The following ARHGEF18 variants were observed in gnomAD, a reference collection of about 807,000 sequenced individuals.
ARHGEF18 encodes the protein rho guanine nucleotide exchange factor 18.
Under a neutral mutation model 155.7 loss-of-function variants are expected in ARHGEF18, and 93 were observed. That is an observed-to-expected ratio of 0.60 (90% CI 0.50 to 0.71). The LOEUF is 0.71. Ranked by LOEUF, ARHGEF18 falls within the 30% of genes least tolerant of loss-of-function variation. The pLI, the probability that ARHGEF18 is intolerant of heterozygous loss-of-function variation, is 0.00. For missense variants in ARHGEF18, 1,593 were observed against 1,816.1 expected, an observed-to-expected ratio of 0.88 and a Z score of 2.23; for synonymous variants, 742 against 753.1, an observed-to-expected ratio of 0.99 and a Z score of 0.24.
At chr19:7,455,925 A>G (rs1206640401) in intron 17 of ARHGEF18, among the ~76,000 whole-genome samples, 2 of 152,206 alleles carry the variant, frequency 1.3e-5, no homozygotes, top group East Asian at 3.9e-4. Flanking sequence ...CCCATGATTC[A>G]ATTACCTCCC....
In ARHGEF18 at chr19:7,405,994, T is replaced by C. The variant is rs748924364; in HGVS notation, c.967+22791T>C. On this transcript the variant is annotated intron_variant, in intron 10 of 28. Transcript: ENST00000668164. ...ACAGTGATTTTCCAGTATTTTGAAG[T>C]TGAAGTAAATGTAGAAGGTCTCACT... is the stretch of plus-strand genomic sequence containing the variant. Among the ~76,000 whole-genome samples the C allele has an allele frequency of 1.1e-4, 17 of 152,150 alleles. No homozygotes were observed. In the East Asian group the frequency reaches 2.7e-3, roughly 24 times the overall value.
intron 1 of ARHGEF18, chr19:7,355,670 A>G: frequency 1.0e-6 from 1 of 985,424 alleles, no homozygotes; most frequent in Non-Finnish European, 1.2e-6. Flanking sequence ...GGCCTTCTCC[A>G]AGCTGTGGCT....
At chr19:7,369,949 C>A (rs1970123409) in intron 2 of ARHGEF18, among the ~76,000 whole-genome samples, 1 of 152,032 alleles carries the variant, frequency 6.6e-6, no homozygotes, top group South Asian at 2.1e-4. Context: ...GTAACCCCAG[C>A]ACTTTCGGAG....
intron 6 of ARHGEF18, 44 bp downstream of exon 6, chr19:7,378,495 G>A (rs898057817): frequency 4.1e-6 from 5 of 1,232,408 alleles, no homozygotes; most frequent in African/African-American, 3.1e-5. Context: ...CCAGGGAACA[G>A]GCCACAAAGT....
At chr19:7,406,344 C>T (rs758818909) in intron 10 of ARHGEF18, among the ~76,000 whole-genome samples, 5 of 152,160 alleles carry the variant, frequency 3.3e-5, no homozygotes, top group Non-Finnish European at 7.4e-5. Flanking sequence ...CTCGGCCTCC[C>T]AAAGTGCTGG....
rs776881099 is a variant in ARHGEF18, at chr19:7,468,939, C to T, written c.3595C>T (p.Arg1199Cys). Residue 1199 changes from arginine (R) to cysteine (C), a missense_variant, in exon 27 of 29, where the codon CGC (arginine) becomes TGC (cysteine). Physicochemically the swap from Arg to Cys is radical, Grantham distance 180. Coordinates refer to ENST00000668164, the MANE Select transcript of ARHGEF18 (RefSeq NM_001367823.1). ...GTACGCAGAGCGCCCCGAGGTGGCT[C>T]GCCGGGACAGCGCCCCCACCGAGAA... The part of the protein sequence containing the change: ...PEYAERPEVA[R>C]RDSAPTENRL... 4.4e-6 allele frequency: 7 copies of T among 1,573,194 alleles called. No homozygotes were observed. Among genetic ancestry groups the T allele is most frequent in the African/African-American group, 2.8e-5 (2 of 72,346 alleles).
chr19:7,448,127 G>A (rs1975113500), intron 15 of ARHGEF18, among the ~76,000 whole-genome samples: 1 of 152,234 alleles, frequency 6.6e-6, no homozygotes, highest in Non-Finnish European at 1.5e-5. Context: ...CTGTTTGGAT[G>A]ACACAAAGGG....
rs9329368 is a variant in ARHGEF18, at chr19:7,468,964, A to G, written c.3620A>G (p.Asn1207Ser). The change falls in exon 27 of 29, where the codon AAC becomes AGC. Residue 1207 changes from asparagine to serine, a missense_variant. Physicochemically the swap from Asn to Ser is conservative, Grantham distance 46 (BLOSUM62 1). Coordinates refer to ENST00000668164, the MANE Select transcript of ARHGEF18 (RefSeq NM_001367823.1). ...VARRDSAPTE[N>S]RLAKSDVPIQ... ...CGCCGGGACAGCGCCCCCACCGAGA[A>G]CCGGCTGGCCAAGAGCGATGTGCCC... The G allele has an allele frequency of 0.76, 1,198,565 of 1,585,614 alleles. 455,500 individuals are homozygous for G. Among genetic ancestry groups the G allele is most frequent in the African/African-American group, 0.93 (69,403 of 74,236 alleles).
At chr19:7,351,125 G>A (rs1969146556) in intron 1 of ARHGEF18, among the ~76,000 whole-genome samples, 1 of 152,048 alleles carries the variant, frequency 6.6e-6, no homozygotes, top group Non-Finnish European at 1.5e-5. Context: ...TGGTCTGTGA[G>A]ATCTTAGTGC....
At chr19:7,448,532 G>T (rs943794274) in intron 15 of ARHGEF18, among the ~76,000 whole-genome samples, 11 of 151,956 alleles carry the variant, frequency 7.2e-5, no homozygotes, top group Non-Finnish European at 1.0e-4. Context: ...GTGGTGGTGG[G>T]CGCCTGTAGT....
At chr19:7,424,422 A>T (rs1190981957) in intron 10 of ARHGEF18, among the ~76,000 whole-genome samples, 1 of 152,180 alleles carries the variant, frequency 6.6e-6, no homozygotes, top group African/African-American at 2.4e-5. Flanking sequence ...AAACATCAGA[A>T]AGGATTTGTA....
intron 2 of ARHGEF18, among the ~76,000 whole-genome samples, chr19:7,367,772 T>C (rs1190908638): frequency 3.3e-5 from 4 of 120,562 alleles, no homozygotes; most frequent in East Asian, 2.0e-4. Flanking sequence ...TATATATATA[T>C]ACACATATAT....
chr19:7,362,095 GAGA>G (rs1223427591), intron 1 of ARHGEF18, among the ~76,000 whole-genome samples: 1 of 25,522 alleles, frequency 3.9e-5, no homozygotes, highest in Non-Finnish European at 6.6e-5. Context: ...GAAGGAGAAG[GAGA>G]AGGAGAAGGA....
intron 1 of ARHGEF18, among the ~76,000 whole-genome samples, chr19:7,351,907 C>A (rs1969167483): frequency 6.6e-6 from 1 of 151,934 alleles, no homozygotes; most frequent in Non-Finnish European, 1.5e-5. Context: ...GTTACCCAGG[C>A]TGGTCTTGAA....
At chr19:7,407,198 G>T (rs1972368562) in intron 10 of ARHGEF18, among the ~76,000 whole-genome samples, 1 of 151,900 alleles carries the variant, frequency 6.6e-6, no homozygotes, top group African/African-American at 2.4e-5. Context: ...GCCAAGGTGG[G>T]TGGATCACCT....
chr19:7,458,398 G>T, intron 18 of ARHGEF18, 114 bp from the exon 19 acceptor site: 10 of 835,476 alleles, frequency 1.2e-5, no homozygotes, highest in Admixed American at 3.5e-5. Context: ...TGTTTGAAAA[G>T]AAATGAGGAG....
At chr19:7,442,733 T>G (rs1005484601) in intron 13 of ARHGEF18, among the ~76,000 whole-genome samples, 1 of 152,196 alleles carries the variant, frequency 6.6e-6, no homozygotes, top group Admixed American at 6.5e-5. Flanking sequence ...ACAGGGTGGC[T>G]TAGAAGCCAC....
At position 7,452,868 on chromosome 19, in the gene ARHGEF18, C is replaced by T. The variant is rs188573103; in HGVS notation, c.1856-599C>T. Among the ~76,000 whole-genome samples, 32 of 151,940 alleles carry T rather than the reference C, an allele frequency of 2.1e-4. No homozygotes were observed. The East Asian group carries it at 5.7e-3, about 27-fold the overall frequency. On this transcript the variant is annotated intron_variant, in intron 16 of 28. Coordinates refer to ENST00000668164, the MANE Select transcript of ARHGEF18 (RefSeq NM_001367823.1). Reference sequence around the variant, plus strand: ...TTTTGCCACTTGAATTGCACCTTAGCTTCTGCATTCGATAGATGCTCTACC... The same window carrying T: ...TTTTGCCACTTGAATTGCACCTTAGTTTCTGCATTCGATAGATGCTCTACC...
At chr19:7,446,917 AG>A in intron 14 of ARHGEF18, 125 bp from the exon 15 acceptor site, 1 of 1,234,870 alleles carries the variant, frequency 8.1e-7, no homozygotes, top group Non-Finnish European at 1.1e-6. Flanking sequence ...AAAAAGAAGA[AG>A]AAAGAAAGAA....
Sources: gnomAD v4.1 joint callset for allele counts (sites outside exome capture counted in the v4.1 genomes callset) on GRCh38, gnomAD v4.1.1 for gene constraint, MANE v1.5 for transcripts, NCBI Gene and HGNC (gene_info 2026-07-23, HGNC 2026-07-21) for gene names.